Variants in KAZN observed in about 807,000 individuals in gnomAD.
KAZN encodes the protein kazrin.
KAZN carries 40 observed loss-of-function variants against 87.4 expected under a neutral mutation model. The ratio of observed to expected loss-of-function variants is 0.46; its 90% CI spans 0.36 to 0.60. The LOEUF is 0.60. Among genes scored for constraint, KAZN ranks in the 20% least tolerant of loss-of-function variants. KAZN has a pLI of 0.00. For missense variants in KAZN, 898 were observed against 1,073.9 expected (o/e 0.84, Z 2.29); for synonymous variants, 466 against 458.3 (o/e 1.02, Z -0.22).
chr1:14,238,780 AGCCACG>A (rs1029509008), intron 2 of KAZN, among the ~76,000 whole-genome samples: 117 of 152,358 alleles, frequency 7.7e-4, no homozygotes, highest in African/African-American at 2.6e-3. Flanking sequence ...ATTTCAGTAG[AGCCACG>A]GCATCACACA....
At chr1:14,022,737 A>G (rs936939385) in intron 1 of KAZN, among the ~76,000 whole-genome samples, 8 of 152,074 alleles carry the variant, frequency 5.3e-5, no homozygotes, top group Admixed American at 3.9e-4. Flanking sequence ...ATTTCCCATC[A>G]TGACCTTTTT....
At chr1:14,804,882 C>T (rs769658117) in intron 1 of KAZN, among the ~76,000 whole-genome samples, 4 of 152,148 alleles carry the variant, frequency 2.6e-5, no homozygotes, top group Admixed American at 6.5e-5. Context: ...GACAGCTAGG[C>T]GTAATTGGCA....
intron 2 of KAZN, among the ~76,000 whole-genome samples, chr1:14,379,868 T>C (rs1661225868): frequency 6.6e-6 from 1 of 152,182 alleles, no homozygotes; most frequent in African/African-American, 2.4e-5. Context: ...CCCCAGGGCC[T>C]TGAGCAAACA....
At chr1:14,745,422 G>A (rs1454222139) in intron 1 of KAZN, among the ~76,000 whole-genome samples, 2 of 152,132 alleles carry the variant, frequency 1.3e-5, no homozygotes, top group Non-Finnish European at 2.9e-5. Flanking sequence ...TTCTCTGCTG[G>A]TTGCAAAGCC....
At chr1:14,956,470 G>A (rs1025603084) in intron 1 of KAZN, among the ~76,000 whole-genome samples, 147 of 151,994 alleles carry the variant, frequency 9.7e-4, no homozygotes, top group African/African-American at 3.3e-3. Context: ...GCGTGGTGGC[G>A]GGTTTGTAGC....
intron 1 of KAZN, among the ~76,000 whole-genome samples, chr1:14,602,142 G>T (rs908391553): frequency 6.6e-6 from 1 of 152,094 alleles, no homozygotes; most frequent in African/African-American, 2.4e-5. Flanking sequence ...TTTTCCTAGC[G>T]GGTTAATGCA....
In KAZN at chr1:14,047,116, G is replaced by A. The variant is rs532285598; in HGVS notation, c.92-133319G>A. ...GTCATCCATCCATCCATCCATTTGG[G>A]CATCGATCCATTTTAAACTCTTTGT... On this transcript the variant is annotated intron_variant, in intron 1 of 16. Coordinates refer to the KAZN transcript ENST00000636203. Among the ~76,000 whole-genome samples the A allele has an allele frequency of 7.9e-5, 12 of 152,202 alleles. No individual in the cohort carries two copies. The East Asian group carries it at 2.3e-3, about 29-fold the overall frequency.
chr1:15,089,078 C>T (rs1171453352), intron 8 of KAZN, among the ~76,000 whole-genome samples: 1 of 151,960 alleles, frequency 6.6e-6, no homozygotes, highest in Non-Finnish European at 1.5e-5. Flanking sequence ...CTGACCTCGA[C>T]TCCCTCTCTC....
chr1:14,712,727 T>C (rs1483411079), intron 1 of KAZN, among the ~76,000 whole-genome samples: 1 of 152,012 alleles, frequency 6.6e-6, no homozygotes, highest in African/African-American at 2.4e-5. Flanking sequence ...AAAGAAACAA[T>C]GAAAGTCAAA....
At chr1:14,351,764 C>G (rs1026704202) in intron 2 of KAZN, among the ~76,000 whole-genome samples, 1 of 152,132 alleles carries the variant, frequency 6.6e-6, no homozygotes, top group Admixed American at 6.6e-5. Flanking sequence ...AGCAAACACT[C>G]GGACCAGCAG....
In KAZN at chr1:14,886,193, G is replaced by A. The variant is rs531306442; in HGVS notation, c.227-74491G>A. Reference sequence around the variant, plus strand: ...TCCCAGCGCTTTGGGAGGATGAGGTGGGAAGACCACTTGAGGCCAGGAGTT... The same window carrying A: ...TCCCAGCGCTTTGGGAGGATGAGGTAGGAAGACCACTTGAGGCCAGGAGTT... On this transcript the variant is annotated intron_variant, in intron 1 of 14. Coordinates refer to ENST00000376030, the MANE Select transcript of KAZN (RefSeq NM_201628.3). Among the ~76,000 whole-genome samples, 4 of 150,796 alleles carry A rather than the reference G, an allele frequency of 2.7e-5. No individual in the cohort carries two copies. The South Asian group carries it at 8.4e-4, about 32-fold the overall frequency.
intron 2 of KAZN, among the ~76,000 whole-genome samples, chr1:14,316,890 A>C (rs1290613949): frequency 1.3e-5 from 2 of 151,300 alleles, no homozygotes; most frequent in African/African-American, 4.9e-5. Flanking sequence ...GTGGTGAAAA[A>C]ACAGTCTGTA....
chr1:14,743,268 A>G (rs1270188214), intron 1 of KAZN, among the ~76,000 whole-genome samples: 1 of 151,944 alleles, frequency 6.6e-6, no homozygotes, highest in Admixed American at 6.6e-5. Context: ...TGTCTCAACT[A>G]AAAATACAAA....
chr1:14,622,106 A>G (rs1204703527), intron 1 of KAZN, among the ~76,000 whole-genome samples: 1 of 152,188 alleles, frequency 6.6e-6, no homozygotes, highest in African/African-American at 2.4e-5. Context: ...AATTACACAG[A>G]TTCATTTCCT....
chr1:14,945,052 A>T (rs566722987), intron 1 of KAZN, among the ~76,000 whole-genome samples: 64 of 152,318 alleles, frequency 4.2e-4, no homozygotes, highest in Middle Eastern at 3.4e-3. Flanking sequence ...CATGGCCCAC[A>T]GCTCCCTAGC....
intron 2 of KAZN, among the ~76,000 whole-genome samples, chr1:14,486,591 T>G (rs926478639): frequency 6.6e-6 from 1 of 152,238 alleles, no homozygotes; most frequent in Non-Finnish European, 1.5e-5. Context: ...GCTGGCCCAC[T>G]TTAATAGCCT....
chr1:14,899,921 C>T (rs1041039673), intron 1 of KAZN, among the ~76,000 whole-genome samples: 1 of 152,220 alleles, frequency 6.6e-6, no homozygotes, highest in African/African-American at 2.4e-5. Context: ...TGAAAGCTGG[C>T]GCATAATCCT....
At chr1:14,067,575 T>C (rs1162278078) in intron 1 of KAZN, among the ~76,000 whole-genome samples, 3 of 152,162 alleles carry the variant, frequency 2.0e-5, no homozygotes, top group African/African-American at 7.2e-5. Flanking sequence ...GCCTGGTGCC[T>C]CATGCTGCTC....
At chr1:14,775,048 C>A (rs1238666719) in intron 1 of KAZN, among the ~76,000 whole-genome samples, 1 of 152,198 alleles carries the variant, frequency 6.6e-6, no homozygotes, top group Non-Finnish European at 1.5e-5. Context: ...TCCCACCATA[C>A]CAGGGCCCAC....
Sources: gnomAD v4.1 joint callset for allele counts (sites outside exome capture counted in the v4.1 genomes callset) on GRCh38, gnomAD v4.1.1 for gene constraint, MANE v1.5 for transcripts, NCBI Gene and HGNC (gene_info 2026-07-23, HGNC 2026-07-21) for gene names.